The following CFAP97D2 variants were observed in gnomAD, a reference collection of about 807,000 sequenced individuals.
CFAP97D2 encodes CFAP97 domain containing 2.
chr13:114,191,587 C>A (rs2080869607), intron 1 of CFAP97D2, among the ~76,000 whole-genome samples: 1 of 152,204 alleles, frequency 6.6e-6, no homozygotes, highest in African/African-American at 2.4e-5. Flanking sequence ...AGAACACTGA[C>A]AACACCAAAT....
Position 114,187,006 on chromosome 13 carries a change from T to C in CFAP97D2, c.90+7586T>C, listed in dbSNP as rs905808180. ...AGCCAGAAAGGCAACACCCTCAAGA[T>C]TCCCATAACAACACCAATGATAAGG... On this transcript the variant is annotated intron_variant, in intron 1 of 4. Coordinates refer to ENST00000646158, the Ensembl canonical transcript of CFAP97D2. The surrounding 1 kb of genome is among the most constrained non-coding windows in gnomAD (Gnocchi z 4.2). 6.6e-6 allele frequency among the ~76,000 whole-genome samples: 1 copy of C among 152,210 alleles called. No individual in the cohort carries two copies. Among genetic ancestry groups the C allele is most frequent in the Non-Finnish European group, 1.5e-5 (1 of 68,034 alleles).
At chr13:114,213,916 T>A in intron 4 of CFAP97D2, among the ~76,000 whole-genome samples, 1 of 76,142 alleles carries the variant, frequency 1.3e-5, no homozygotes, top group African/African-American at 5.4e-5. Context: ...ACCCCACCCC[T>A]GGACAAGCTC....
rs538587694 is a variant in CFAP97D2, at chr13:114,212,619, G to A, written c.480+518G>A. On this transcript the variant is annotated intron_variant, in intron 4 of 4. Transcript: ENST00000646158. ...AATCCCAGCACTTTGGGAGGCCAAG[G>A]CGGGTGGATAACGATGTCAGGAGAT... Among the ~76,000 whole-genome samples the A allele has an allele frequency of 1.2e-4, 19 of 152,194 alleles. 1 individual carries two copies. Among genetic ancestry groups the A allele is most frequent in the Non-Finnish European group, 2.5e-4 (17 of 68,036 alleles).
In CFAP97D2 at chr13:114,179,611, C is replaced by T. The variant is rs984275046; in HGVS notation, c.90+191C>T. On this transcript the variant is annotated intron_variant, in intron 1 of 4. Transcript: ENST00000646158. The surrounding 1 kb of genome is among the most constrained non-coding windows in gnomAD (Gnocchi z 4.8). Reference sequence around the variant, plus strand: ...AATAAAAATCTCATTAAATAGTTGACGGCTTTCTTTCTTTCTTTTTTTTTT... The same window carrying T: ...AATAAAAATCTCATTAAATAGTTGATGGCTTTCTTTCTTTCTTTTTTTTTT... 4.6e-5 allele frequency among the ~76,000 whole-genome samples: 7 copies of T among 151,886 alleles called. No individual in the cohort carries two copies. Among genetic ancestry groups the T allele is most frequent in the Admixed American group, 6.6e-5 (1 of 15,244 alleles).
chr13:114,204,928 G>A (rs538160087), intron 3 of CFAP97D2, among the ~76,000 whole-genome samples: 17 of 152,170 alleles, frequency 1.1e-4, no homozygotes, highest in Non-Finnish European at 1.9e-4. Flanking sequence ...AATCAGATAC[G>A]ATTAGGGACT....
chr13:114,197,478 G>A (rs73572918), intron 2 of CFAP97D2, among the ~76,000 whole-genome samples: 4,100 of 152,152 alleles, frequency 0.027, 181 homozygotes, highest in African/African-American at 0.093. Flanking sequence ...ACTTAGGAAT[G>A]CCCTTGGCCA....
chr13:114,200,293 G>C, intron 2 of CFAP97D2, 32 bp from the exon 3 acceptor site: 1 of 397,758 alleles, frequency 2.5e-6, no homozygotes, highest in Non-Finnish European at 4.4e-6. Flanking sequence ...GCAATCTGCC[G>C]GCGCTCCTCC....
At chr13:114,214,806 T>C (rs959838498) in intron 4 of CFAP97D2, among the ~76,000 whole-genome samples, 2 of 152,228 alleles carry the variant, frequency 1.3e-5, no homozygotes, top group African/African-American at 4.8e-5. Context: ...TTTCTGTAAA[T>C]TGCTCATTTC....
chr13:114,198,916 G>A lies in CFAP97D2; in HGVS notation c.172-1409G>A, dbSNP rs1206510629. On this transcript the variant is annotated intron_variant, in intron 2 of 4. Coordinates refer to ENST00000646158, the Ensembl canonical transcript of CFAP97D2. ...ACGGTCCCCACCGAGGGGTGACGGC[G>A]CGTCCCCGTGTGTACGGTCCCCGCT... Among the ~76,000 whole-genome samples the A allele has an allele frequency of 7.5e-5, 4 of 53,290 alleles. 2 individuals carry two copies. The highest frequency in any genetic ancestry group is 1.2e-4 in the Non-Finnish European group (4 of 33,258). The allele number at this position is 53,290 out of a possible 152,430, so 35.0% of individuals were successfully genotyped here.
chr13:114,208,003 T>A (rs2080949089), intron 3 of CFAP97D2, among the ~76,000 whole-genome samples: 1 of 152,138 alleles, frequency 6.6e-6, no homozygotes, highest in Non-Finnish European at 1.5e-5. Context: ...AGTTTCAACA[T>A]TCCATGGAGC....
At position 114,189,059 on chromosome 13, in the gene CFAP97D2, AT is replaced by A. The variant is rs1472330889; in HGVS notation, c.91-7336del. ...TACTTATATTACTAGTATATATGTA[AT>A]AATATAACTATAATAACTATGTTAT... On this transcript the variant is annotated intron_variant, in intron 1 of 4. Transcript: ENST00000646158. This position sits in a 1 kb window ranked among gnomAD's most constrained non-coding sequence, Gnocchi z 4.5. Among the ~76,000 whole-genome samples the A allele has an allele frequency of 2.0e-5, 3 of 148,688 alleles. No homozygotes were observed. The highest frequency in any genetic ancestry group is 3.9e-4 in the East Asian group (2 of 5,140).
chr13:114,187,990 C>A lies in CFAP97D2; in HGVS notation c.91-8406C>A, dbSNP rs1381106292. ...AAAACATGTGAATATTAAACAACAACAATGGGGGCTGGGTGCAGTAGCTCA... is the reference window on the plus strand; with the variant it reads ...AAAACATGTGAATATTAAACAACAAAAATGGGGGCTGGGTGCAGTAGCTCA... On this transcript the variant is annotated intron_variant, in intron 1 of 4. Transcript: ENST00000646158. The surrounding 1 kb of genome is among the most constrained non-coding windows in gnomAD (Gnocchi z 4.2). Among the ~76,000 whole-genome samples the A allele has an allele frequency of 6.6e-6, 1 of 152,032 alleles. No individual in the cohort carries two copies.
intron 1 of CFAP97D2, among the ~76,000 whole-genome samples, chr13:114,182,813 A>G (rs575275976): frequency 6.6e-6 from 1 of 152,338 alleles, no homozygotes; most frequent in South Asian, 2.1e-4. Flanking sequence ...GGGCAAAGCT[A>G]CAAATTGACA....
chr13:114,213,328 G>A (rs1594521980), intron 4 of CFAP97D2, among the ~76,000 whole-genome samples: 7 of 127,244 alleles, frequency 5.5e-5, no homozygotes, highest in South Asian at 2.6e-4. Flanking sequence ...AAGGACCACA[G>A]ACCCCACCCC....
intron 1 of CFAP97D2, among the ~76,000 whole-genome samples, chr13:114,182,039 A>G (rs1415625658): frequency 6.6e-6 from 1 of 152,170 alleles, no homozygotes; most frequent in East Asian, 1.9e-4. Context: ...ACCGGCGCTC[A>G]GCATACCAAG....
intron 1 of CFAP97D2, among the ~76,000 whole-genome samples, chr13:114,182,233 A>T (rs1185319146): frequency 3.3e-5 from 5 of 151,242 alleles, no homozygotes; most frequent in African/African-American, 9.7e-5. Context: ...CTGGATGTGC[A>T]CGTAGGCCAG....
At chr13:114,221,634 G>A (rs578187987) in intron 4 of CFAP97D2, among the ~76,000 whole-genome samples, 1 of 152,200 alleles carries the variant, frequency 6.6e-6, no homozygotes, top group African/African-American at 2.4e-5. Flanking sequence ...TAGGCTGCTG[G>A]TAGGGGTAAA....
chr13:114,220,239 C>A (rs60472736), intron 4 of CFAP97D2, among the ~76,000 whole-genome samples: 1 of 151,938 alleles, frequency 6.6e-6, no homozygotes, highest in South Asian at 2.1e-4. Flanking sequence ...CTTTGGGATC[C>A]GGGATCTTTG....
At chr13:114,194,499 T>C (rs1395431985) in intron 1 of CFAP97D2, among the ~76,000 whole-genome samples, 1 of 152,080 alleles carries the variant, frequency 6.6e-6, no homozygotes, top group Non-Finnish European at 1.5e-5. Flanking sequence ...CCTTTTTACG[T>C]GAGTCCTGAG....
Sources: gnomAD v4.1 joint callset for allele counts (sites outside exome capture counted in the v4.1 genomes callset) on GRCh38, gnomAD v4.1.1 for gene constraint, Gnocchi (gnomAD v3.1) non-coding constraint, MANE v1.5 for transcripts, NCBI Gene and HGNC (gene_info 2026-07-23, HGNC 2026-07-21) for gene names.